LHPP: variants seen among roughly 807,000 people sequenced by gnomAD.
LHPP encodes hLHPP.
In LHPP, 24 loss-of-function variants were observed where a neutral mutation model predicts 30.3. The observed-to-expected ratio is 0.79, with a 90% CI of 0.57 to 1.11. The LOEUF (loss-of-function observed/expected upper bound fraction) is 1.11, where lower values mean the gene tolerates loss of function less well. LHPP is among the 50% of genes most tolerant of loss of function. LHPP has a pLI of 0.00. For synonymous variants in LHPP, 150 were observed against 157.1 expected (o/e 0.95, Z 0.34); for missense variants, 356 against 367.2 (o/e 0.97, Z 0.25).
intron 6 of LHPP, among the ~76,000 whole-genome samples, chr10:124,562,618 A>G (rs959552082): frequency 1.2e-4 from 19 of 152,220 alleles, no homozygotes; most frequent in African/African-American, 4.6e-4. Flanking sequence ...ACAATGAGAC[A>G]TCACTACACA....
At chr10:124,515,167 C>G (rs1299781436) in intron 5 of LHPP, among the ~76,000 whole-genome samples, 3 of 152,204 alleles carry the variant, frequency 2.0e-5, no homozygotes, top group African/African-American at 7.2e-5. Flanking sequence ...CCATAGCTCA[C>G]TGATGCTCTG....
intron 1 of LHPP, among the ~76,000 whole-genome samples, chr10:124,475,062 G>A (rs184036807): frequency 1.5e-5 from 2 of 134,322 alleles, no homozygotes; most frequent in Admixed American, 7.7e-5. Context: ...TCGCTCTGTC[G>A]CCCAGGCTGG....
rs112892310 is a variant in LHPP, at chr10:124,529,815, A to G, written c.716+12544A>G. Among the ~76,000 whole-genome samples, 435 of 146,328 alleles carry G rather than the reference A, an allele frequency of 3.0e-3. 1 individual carries two copies. The highest frequency in any genetic ancestry group is 6.9e-3 in the Middle Eastern group (2 of 288). On this transcript the variant is annotated intron_variant, in intron 6 of 6. Transcript: ENST00000368842. ...TGCACATACACACACACACACACGC[A>G]CACACACACACACACACATGCGCAC... is the stretch of plus-strand genomic sequence containing the variant.
Position 124,541,283 on chromosome 10 carries a change from T to C in LHPP, c.716+24012T>C, listed in dbSNP as rs1420405092. Among the ~76,000 whole-genome samples, 2 of 152,216 alleles carry C rather than the reference T, an allele frequency of 1.3e-5. No individual in the cohort carries two copies. Among genetic ancestry groups the C allele is most frequent in the Non-Finnish European group, 2.9e-5 (2 of 68,028 alleles). ...AGCCTGCAGTACCAGGATAGACAAT[T>C]TGGGCTGGAGCCAAACTTGATCAGA... On this transcript the variant is annotated intron_variant, in intron 6 of 6. Transcript: ENST00000368842. The surrounding 1 kb of genome is among the most constrained non-coding windows in gnomAD (Gnocchi z 4.2).
At chr10:124,464,711 T>G (rs1462330381) in intron 1 of LHPP, among the ~76,000 whole-genome samples, 6 of 152,096 alleles carry the variant, frequency 3.9e-5, no homozygotes, top group Non-Finnish European at 1.5e-5. Context: ...GTGGGCCTCA[T>G]CTGGGGAGCA....
At position 124,520,050 on chromosome 10, in the gene LHPP, G is replaced by T. The variant is rs1165717897; in HGVS notation, c.716+2779G>T. 3.9e-5 allele frequency among the ~76,000 whole-genome samples: 6 copies of T among 151,950 alleles called. No homozygotes were observed. The East Asian group carries it at 1.2e-3, about 29-fold the overall frequency. Reference sequence around the variant, plus strand: ...GCGTTTCACCATGTTAGCCAGGATGGTCTCGATCTCCTGACCCCGTGATCT... The same window carrying T: ...GCGTTTCACCATGTTAGCCAGGATGTTCTCGATCTCCTGACCCCGTGATCT... On this transcript the variant is annotated intron_variant, in intron 6 of 6. Coordinates refer to ENST00000368842, the MANE Select transcript of LHPP (RefSeq NM_022126.4).
intron 6 of LHPP, among the ~76,000 whole-genome samples, chr10:124,591,478 G>T (rs1235539571): frequency 6.6e-5 from 10 of 152,144 alleles, no homozygotes; most frequent in African/African-American, 2.4e-4. Flanking sequence ...TGGAAGCCTG[G>T]GGTTCCAGGC....
intron 6 of LHPP, among the ~76,000 whole-genome samples, chr10:124,547,434 G>A (rs1286584480): frequency 6.6e-6 from 1 of 152,254 alleles, no homozygotes; most frequent in Non-Finnish European, 1.5e-5. Flanking sequence ...GAAAGTTCTA[G>A]AAGAGTCTGC....
intron 6 of LHPP, among the ~76,000 whole-genome samples, chr10:124,589,068 A>G (rs1186345491): frequency 6.6e-6 from 1 of 152,144 alleles, no homozygotes; most frequent in Non-Finnish European, 1.5e-5. Context: ...CCCTTGAACC[A>G]TCCCAGAGAA....
At chr10:124,483,621 A>T (rs1832178822) in intron 1 of LHPP, among the ~76,000 whole-genome samples, 1 of 152,058 alleles carries the variant, frequency 6.6e-6, no homozygotes, top group African/African-American at 2.4e-5. Flanking sequence ...GCCAGGTATG[A>T]TGGCAGGCGC....
At chr10:124,609,990 G>T (rs762043875) in intron 6 of LHPP, among the ~76,000 whole-genome samples, 1 of 152,150 alleles carries the variant, frequency 6.6e-6, no homozygotes, top group East Asian at 1.9e-4. Context: ...TGAACGTGAG[G>T]ATGCATTTCT....
chr10:124,528,398 G>A (rs1002664481), intron 6 of LHPP, among the ~76,000 whole-genome samples: 4 of 151,116 alleles, frequency 2.6e-5, no homozygotes, highest in African/African-American at 9.7e-5. Context: ...TTGCTCTGTT[G>A]CCCAGGCTGG....
intron 5 of LHPP, among the ~76,000 whole-genome samples, chr10:124,512,651 G>A (rs773026505): frequency 8.1e-5 from 12 of 148,782 alleles, no homozygotes; most frequent in Non-Finnish European, 1.5e-4. Context: ...TTTAGGTAAT[G>A]TATTATGTCC....
chr10:124,525,121 G>C (rs1954700825), intron 6 of LHPP, among the ~76,000 whole-genome samples: 1 of 152,112 alleles, frequency 6.6e-6, no homozygotes, highest in Admixed American at 6.5e-5. Flanking sequence ...CATGGCGCTG[G>C]CTCTTCCTTC....
chr10:124,613,110 G>GGGGGATGGC (rs1949223255), intron 6 of LHPP, among the ~76,000 whole-genome samples, 154 bp from the exon 7 acceptor site: 1 of 152,176 alleles, frequency 6.6e-6, no homozygotes, highest in Admixed American at 6.5e-5. Flanking sequence ...AGGGGGAGGA[G>GGGGGATGGC]GGGGATGGCC....
intron 6 of LHPP, among the ~76,000 whole-genome samples, chr10:124,526,493 C>G (rs1954740783): frequency 6.6e-6 from 1 of 152,234 alleles, no homozygotes; most frequent in African/African-American, 2.4e-5. Context: ...TGCCCCTGAA[C>G]ATTCTCAAGC....
At chr10:124,543,293 G>A (rs1955246445) in intron 6 of LHPP, among the ~76,000 whole-genome samples, 1 of 152,266 alleles carries the variant, frequency 6.6e-6, no homozygotes, top group African/African-American at 2.4e-5. Context: ...GCCAACCTGA[G>A]GGTAGACACT....
intron 5 of LHPP, among the ~76,000 whole-genome samples, chr10:124,505,762 TAAG>T (rs1269706653): frequency 6.6e-6 from 1 of 152,226 alleles, no homozygotes; most frequent in Non-Finnish European, 1.5e-5. Context: ...TCCATCATCA[TAAG>T]AAGTTCTGTG....
At chr10:124,598,126 C>T (rs1433298441) in intron 6 of LHPP, among the ~76,000 whole-genome samples, 3 of 152,350 alleles carry the variant, frequency 2.0e-5, no homozygotes, top group Non-Finnish European at 2.9e-5. Context: ...CACCTACCTC[C>T]CCGGCTGCTG....
Sources: gnomAD v4.1 joint callset for allele counts (sites outside exome capture counted in the v4.1 genomes callset) on GRCh38, gnomAD v4.1.1 for gene constraint, Gnocchi (gnomAD v3.1) non-coding constraint, MANE v1.5 for transcripts, NCBI Gene and HGNC (gene_info 2026-07-23, HGNC 2026-07-21) for gene names.